Variants in CPEB3 observed in about 807,000 individuals in gnomAD.
The protein encoded by CPEB3 is cytoplasmic polyadenylation element binding protein 3, also known as cytoplasmic polyadenylation element-binding protein 3.
Under a neutral mutation model 67.2 loss-of-function variants are expected in CPEB3, and 20 were observed. The observed-to-expected ratio is 0.30, with a 90% CI of 0.21 to 0.43. The LOEUF (loss-of-function observed/expected upper bound fraction) is 0.43. Ranked by LOEUF, CPEB3 falls within the 20% of genes least tolerant of loss-of-function variation. The pLI is 1.00. For missense variants in CPEB3, 746 were observed against 968.6 expected (o/e 0.77, Z 3.05); for synonymous variants, 376 against 393.1 (o/e 0.96, Z 0.51).
intron 1 of CPEB3, among the ~76,000 whole-genome samples, chr10:92,287,916 G>A (rs756093723): frequency 1.3e-5 from 2 of 152,028 alleles, no homozygotes; most frequent in Non-Finnish European, 2.9e-5. Flanking sequence ...GCAATCACTA[G>A]TCTACTTTCC....
At chr10:92,212,611 T>G (rs563361495) in intron 2 of CPEB3, among the ~76,000 whole-genome samples, 1 of 152,166 alleles carries the variant, frequency 6.6e-6, no homozygotes, top group Non-Finnish European at 1.5e-5. Context: ...TATTGAGCAC[T>G]TGAAATGTCG....
chr10:92,215,649 G>A (rs2134384896), intron 2 of CPEB3, among the ~76,000 whole-genome samples: 1 of 151,572 alleles, frequency 6.6e-6, no homozygotes, highest in African/African-American at 2.4e-5. Context: ...CACTGTGTTG[G>A]CCAGGCTGGT....
chr10:92,166,190 C>A (rs1211765705), intron 4 of CPEB3, among the ~76,000 whole-genome samples: 1 of 151,798 alleles, frequency 6.6e-6, no homozygotes, highest in African/African-American at 2.4e-5. Flanking sequence ...CTCACTGCCA[C>A]TTCCGTCTCC....
At chr10:92,198,050 G>A (rs1295962161) in intron 2 of CPEB3, among the ~76,000 whole-genome samples, 3 of 152,198 alleles carry the variant, frequency 2.0e-5, no homozygotes, top group African/African-American at 7.2e-5. Context: ...AGGCTGCAGT[G>A]AGCCGAGATC....
chr10:92,117,149 A>G (rs11186834), intron 6 of CPEB3, among the ~76,000 whole-genome samples: 59,302 of 147,762 alleles, frequency 0.4, 12,474 homozygotes, highest in African/African-American at 0.55. Context: ...TCAGCCTCCC[A>G]AGTAGCTGGG....
At chr10:92,222,993 A>G (rs1442779474) in intron 2 of CPEB3, among the ~76,000 whole-genome samples, 1 of 152,242 alleles carries the variant, frequency 6.6e-6, no homozygotes, top group African/African-American at 2.4e-5. Context: ...ATTTTATTCA[A>G]CTTAAATAAA....
intron 6 of CPEB3, chr10:92,137,725 GCA>G (rs1846173815): frequency 4.9e-6 from 2 of 406,020 alleles, no homozygotes; most frequent in East Asian, 1.1e-4. Context: ...TCGGCTGGGT[GCA>G]GTGGCTCACG....
chr10:92,146,546 T>C (rs1307132584), intron 4 of CPEB3, among the ~76,000 whole-genome samples: 1 of 152,044 alleles, frequency 6.6e-6, no homozygotes, highest in Non-Finnish European at 1.5e-5. Flanking sequence ...AAACAGAATA[T>C]AAATAGCCCT....
At chr10:92,245,714 A>C (rs1007694782) in intron 1 of CPEB3, among the ~76,000 whole-genome samples, 2 of 152,098 alleles carry the variant, frequency 1.3e-5, no homozygotes, top group Non-Finnish European at 2.9e-5. Flanking sequence ...TAACCTACCA[A>C]ACTTTTGCCA....
rs931317896 is a variant in CPEB3 at position 92,096,387 on chromosome 10, A to G, written c.1573-4443T>C. Among the ~76,000 whole-genome samples, 13 of 152,020 alleles carry G rather than the reference A, an allele frequency of 8.6e-5. 1 individual carries two copies. The highest frequency in any genetic ancestry group is 1.5e-5 in the Non-Finnish European group (1 of 68,006). On this transcript the variant is annotated intron_variant, in intron 7 of 9. Transcript: ENST00000265997. Reference sequence around the variant, plus strand: ...TTTGGTATCTGAGGGGGGTCCTAGAACCAATCCCTTATGCAAACCTAGGAA... The same window carrying G: ...TTTGGTATCTGAGGGGGGTCCTAGAGCCAATCCCTTATGCAAACCTAGGAA...
chr10:92,267,264 C>T (rs1417934645), intron 1 of CPEB3, among the ~76,000 whole-genome samples: 1 of 152,150 alleles, frequency 6.6e-6, no homozygotes, highest in African/African-American at 2.4e-5. Flanking sequence ...GTTACATACT[C>T]TTCTTGTTCT....
chr10:92,222,504 T>C (rs1850751923), intron 2 of CPEB3, among the ~76,000 whole-genome samples: 1 of 152,198 alleles, frequency 6.6e-6, no homozygotes, highest in African/African-American at 2.4e-5. Flanking sequence ...ATTCAAAACG[T>C]TATCAAAGTT....
chr10:92,216,675 G>A, intron 2 of CPEB3: 2 of 1,606,430 alleles, frequency 1.2e-6, no homozygotes, highest in Non-Finnish European at 1.7e-6. Flanking sequence ...ACGGACCTGG[G>A]TGCAGCCACA....
intron 1 of CPEB3, among the ~76,000 whole-genome samples, chr10:92,284,191 A>G (rs1842432905): frequency 6.6e-6 from 1 of 151,032 alleles, no homozygotes. Flanking sequence ...GGCACACACC[A>G]CCACACCCAG....
intron 4 of CPEB3, among the ~76,000 whole-genome samples, chr10:92,167,005 T>C (rs1847776020): frequency 6.6e-6 from 1 of 152,220 alleles, no homozygotes; most frequent in Non-Finnish European, 1.5e-5. Flanking sequence ...TTTTATGTTA[T>C]GGAGACGGCT....
intron 3 of CPEB3, among the ~76,000 whole-genome samples, chr10:92,183,447 T>C (rs2134105242): frequency 6.6e-6 from 1 of 152,330 alleles, no homozygotes; most frequent in South Asian, 2.1e-4. Flanking sequence ...TTTCACTCAG[T>C]AGGGAGAAAG....
At chr10:92,142,640 T>C (rs527758018) in intron 6 of CPEB3, among the ~76,000 whole-genome samples, 1 of 152,330 alleles carries the variant, frequency 6.6e-6, no homozygotes, top group African/African-American at 2.4e-5. Flanking sequence ...TTTCCCAGGT[T>C]TGGGGTTTAC....
intron 9 of CPEB3, among the ~76,000 whole-genome samples, chr10:92,066,862 T>C (rs1842568352): frequency 6.6e-6 from 1 of 151,844 alleles, no homozygotes; most frequent in Admixed American, 6.6e-5. Flanking sequence ...CTGGCCAACA[T>C]GGTGAAACCC....
intron 6 of CPEB3, among the ~76,000 whole-genome samples, chr10:92,135,594 A>T (rs540358631): frequency 2.0e-5 from 3 of 152,204 alleles, no homozygotes; most frequent in Non-Finnish European, 4.4e-5. Context: ...ATTGTGGAAG[A>T]CAGTGTGGCA....
Sources: gnomAD v4.1 joint callset for allele counts (sites outside exome capture counted in the v4.1 genomes callset) on GRCh38, gnomAD v4.1.1 for gene constraint, MANE v1.5 for transcripts, NCBI Gene and HGNC (gene_info 2026-07-23, HGNC 2026-07-21) for gene names.